UGT2A2: variants seen among roughly 807,000 people sequenced by gnomAD.
UGT2A2 encodes UDP glucuronosyltransferase family 2 member A2.
Under a neutral mutation model 50.7 loss-of-function variants are expected in UGT2A2, and 60 were observed. The observed-to-expected ratio is 1.18, with a 90% CI of 0.96 to 1.47. UGT2A2 has a LOEUF of 1.47. UGT2A2 is among the 40% of genes most tolerant of loss of function. UGT2A2 has a pLI of 0.00. For missense variants in UGT2A2, 762 were observed against 634.0 expected, an observed-to-expected ratio of 1.20 and a Z score of -2.17; for synonymous variants, 242 against 214.6, an observed-to-expected ratio of 1.13 and a Z score of -1.11.
At chr4:69,609,989 TGAG>T (rs1719937222) in intron 1 of UGT2A2, among the ~76,000 whole-genome samples, 1 of 152,178 alleles carries the variant, frequency 6.6e-6, no homozygotes, top group African/African-American at 2.4e-5. Context: ...AATAGAATGT[TGAG>T]GAAATAACAT....
At chr4:69,638,490 C>A (rs1196835625) in intron 1 of UGT2A2, among the ~76,000 whole-genome samples, 1 of 152,064 alleles carries the variant, frequency 6.6e-6, no homozygotes, top group Admixed American at 6.5e-5. Flanking sequence ...TGATTCTATG[C>A]TTTTCAAAGC....
intron 5 of UGT2A2, among the ~76,000 whole-genome samples, chr4:69,590,774 G>A (rs955134707): frequency 6.6e-6 from 1 of 152,054 alleles, no homozygotes; most frequent in South Asian, 2.1e-4. Flanking sequence ...AAAATAAGAA[G>A]AAGAAAGCAT....
intron 1 of UGT2A2, among the ~76,000 whole-genome samples, chr4:69,611,300 T>TTTTTTTTTTGAGACGG (rs1553904914): frequency 6.7e-6 from 1 of 148,960 alleles, no homozygotes; most frequent in African/African-American, 2.5e-5. Context: ...CAGCTATTCT[T>TTTTTTTTTTGAGACGG]AATGCTATTA....
chr4:69,599,723 TGGAGAAAA>T (rs1719156365), intron 1 of UGT2A2: 1 of 178,006 alleles, frequency 5.6e-6, no homozygotes, highest in Non-Finnish European at 1.1e-5. Flanking sequence ...GAGAGAGAGA[TGGAGAAAA>T]GGAGAAAGGG....
intron 1 of UGT2A2, among the ~76,000 whole-genome samples, chr4:69,608,560 A>G (rs1199387432): frequency 6.6e-6 from 1 of 152,130 alleles, no homozygotes; most frequent in Non-Finnish European, 1.5e-5. Flanking sequence ...AACTTAAAGT[A>G]TAATAAAAAG....
chr4:69,634,139 G>A (rs1039131995), intron 1 of UGT2A2, among the ~76,000 whole-genome samples: 1 of 152,018 alleles, frequency 6.6e-6, no homozygotes, highest in South Asian at 2.1e-4. Flanking sequence ...CAGCTACTCC[G>A]GAGGCTGAGG....
At chr4:69,592,790 G>T (rs1718664192) in intron 5 of UGT2A2, among the ~76,000 whole-genome samples, 1 of 151,612 alleles carries the variant, frequency 6.6e-6, no homozygotes, top group Non-Finnish European at 1.5e-5. Context: ...GAAATAAAAG[G>T]CATTCAAAGA....
chr4:69,627,120 C>T (rs1180408063), intron 1 of UGT2A2, among the ~76,000 whole-genome samples: 2 of 151,786 alleles, frequency 1.3e-5, no homozygotes, highest in Non-Finnish European at 2.9e-5. Flanking sequence ...AATATATTTG[C>T]ACATACTGAC....
Position 69,599,356 on chromosome 4 carries a change from C to G in UGT2A2, c.781G>C (p.Glu261Gln), listed in dbSNP as rs764849826. 6.2e-7 allele frequency: 1 copy of G among 1,613,698 alleles called. No homozygotes were observed. Among genetic ancestry groups the G allele is most frequent in the East Asian group, 2.2e-5 (1 of 44,806 alleles). The change falls in exon 2 of 6, where the codon GAA becomes CAA. Residue 261 changes from glutamate (E) to glutamine (Q), a missense_variant. Transcript: ENST00000604629. ...TTLCETMGKA[E>Q]IWLIRTYWDF... Reference sequence around the variant, plus strand: ...CAATATGTTCGGATTAACCAAATTTCAGCTTTCCCCATAGTCTCACATAAC... The same window carrying G: ...CAATATGTTCGGATTAACCAAATTTGAGCTTTCCCCATAGTCTCACATAAC...
chr4:69,613,105 C>T (rs1363829506), intron 1 of UGT2A2, among the ~76,000 whole-genome samples: 1 of 151,814 alleles, frequency 6.6e-6, no homozygotes, highest in East Asian at 1.9e-4. Context: ...AGAAGACATA[C>T]AATCAACCTG....
At chr4:69,634,405 T>C (rs1223351279) in intron 1 of UGT2A2, among the ~76,000 whole-genome samples, 1 of 151,936 alleles carries the variant, frequency 6.6e-6, no homozygotes, top group Non-Finnish European at 1.5e-5. Context: ...AAGCAGGGTA[T>C]GAGAATTAGA....
At position 69,593,434 on chromosome 4, in the gene UGT2A2, T is replaced by C. The variant is rs148065603; in HGVS notation, c.1331+1043A>G. 4.0e-3 allele frequency among the ~76,000 whole-genome samples: 613 copies of C among 151,776 alleles called. 8 individuals are homozygous for C. The highest frequency in any genetic ancestry group is 0.012 in the African/African-American group (506 of 41,488). On this transcript the variant is annotated intron_variant, in intron 5 of 5. Transcript: ENST00000604629. ...TATAAGTAGCTAAAATTAAAACACA[T>C]CATCAAAAATAAAGACTCAAAATTA...
chr4:69,592,646 A>G (rs973921435), intron 5 of UGT2A2, among the ~76,000 whole-genome samples: 2 of 152,140 alleles, frequency 1.3e-5, no homozygotes, highest in Admixed American at 6.5e-5. Context: ...GAACTATTGG[A>G]GGCAATCTCA....
intron 2 of UGT2A2, 62 bp from the exon 3 acceptor site, chr4:69,596,443 T>A: frequency 7.0e-7 from 1 of 1,420,090 alleles, no homozygotes; most frequent in African/African-American, 1.5e-5. Context: ...ATAAGTTTAC[T>A]TACACATTTA....
chr4:69,597,667 C>G (rs562775856), intron 2 of UGT2A2, among the ~76,000 whole-genome samples: 1 of 152,136 alleles, frequency 6.6e-6, no homozygotes, highest in Admixed American at 6.6e-5. Flanking sequence ...GGAATTGGTG[C>G]TTTGCCATTT....
chr4:69,627,615 AG>A (rs767261730), intron 1 of UGT2A2, among the ~76,000 whole-genome samples: 4 of 148,916 alleles, frequency 2.7e-5, no homozygotes, highest in Admixed American at 1.3e-4. Flanking sequence ...AGAAAGAAAG[AG>A]AAGAAAGAAA....
intron 1 of UGT2A2, among the ~76,000 whole-genome samples, chr4:69,612,060 AG>A (rs1194940424): frequency 6.6e-6 from 1 of 152,122 alleles, no homozygotes; most frequent in Non-Finnish European, 1.5e-5. Context: ...AATTCAAGCT[AG>A]AAAAGCATCT....
At chr4:69,604,568 G>T (rs1169828350) in intron 1 of UGT2A2, among the ~76,000 whole-genome samples, 2 of 136,090 alleles carry the variant, frequency 1.5e-5, no homozygotes, top group African/African-American at 3.0e-5. Context: ...TCACACATAA[G>T]AATATTAACC....
intron 1 of UGT2A2, chr4:69,635,751 C>T (rs1010538730): frequency 4.0e-5 from 9 of 226,042 alleles, no homozygotes; most frequent in Non-Finnish European, 5.5e-5. Context: ...CGCTTGAACC[C>T]GGGAAGCAGA....
Sources: gnomAD v4.1 joint callset for allele counts (sites outside exome capture counted in the v4.1 genomes callset) on GRCh38, gnomAD v4.1.1 for gene constraint, MANE v1.5 for transcripts, NCBI Gene and HGNC (gene_info 2026-07-23, HGNC 2026-07-21) for gene names.